The following ITGA10 variants were observed in gnomAD, a reference collection of about 807,000 sequenced individuals.
ITGA10 encodes integrin subunit alpha 10.
In ITGA10, 105 loss-of-function variants were observed where a neutral mutation model predicts 145.2. The ratio of observed to expected loss-of-function variants is 0.72; its 90% CI spans 0.62 to 0.85. The LOEUF is 0.85. ITGA10 is among the 40% of genes least tolerant of loss of function. ITGA10 has a pLI of 0.00. For synonymous variants in ITGA10, 506 were observed against 557.8 expected (o/e 0.91, Z 1.31); for missense variants, 1,317 against 1,444.5 (o/e 0.91, Z 1.43).
chr1:145,909,649 AT>A (rs1472613140), intron 1 of ITGA10, among the ~76,000 whole-genome samples: 1 of 140,628 alleles, frequency 7.1e-6, no homozygotes, highest in Non-Finnish European at 1.5e-5. Flanking sequence ...TATATTATAT[AT>A]AATATATAAT....
At chr1:145,895,770 C>A in intron 25 of ITGA10, 59 bp from the exon 26 acceptor site, 8 of 1,497,334 alleles carry the variant, frequency 5.3e-6, no homozygotes, top group Admixed American at 5.1e-5. Flanking sequence ...CCACTCAAGG[C>A]TGAGTTGGAA....
Position 145,902,003 on chromosome 1 carries a change from TC to T in ITGA10, c.1167del (p.Met390TrpfsTer82). 6.2e-7 allele frequency: 1 copy of T among 1,613,836 alleles called. No homozygotes were observed. ...THRLKDGILF[G>X]MVGAYDWGGS... ...CCTCCCCAGTCATAGGCCCCCACCA[TC>T]CCAAAAAGAATCCCATCCTGTGGGA... is the stretch of plus-strand genomic sequence containing the variant. On this transcript the variant is annotated frameshift_variant, in exon 11 of 30. Transcript: ENST00000369304. LOFTEE classifies it high-confidence loss of function.
In ITGA10 at chr1:145,901,142, A is replaced by G; in HGVS notation, c.1580T>C (p.Val527Ala). ...GGTCCCAGCAAGTCTCACCTGGCCT[A>G]CCAGATACACATAAACACGTCCTGT... ...KETGRVYVYL[V>A]GQQSLLTLQG... The change falls in exon 13 of 30, where the codon GTA (valine) becomes GCA (alanine). Residue 527 changes from valine to alanine, a missense_variant. Val to Ala is a moderately conservative substitution (Grantham distance 64, BLOSUM62 0). Transcript: ENST00000369304. The surrounding 1 kb of genome is among the most constrained non-coding windows in gnomAD (Gnocchi z 4.3). 6.2e-7 allele frequency: 1 copy of G among 1,614,016 alleles called. No individual in the cohort carries two copies. Among genetic ancestry groups the G allele is most frequent in the Non-Finnish European group, 8.5e-7 (1 of 1,179,996 alleles).
At chr1:145,896,887 T>G (rs1655489822) in intron 22 of ITGA10, 29 bp from the exon 23 acceptor site, 2 of 1,576,244 alleles carry the variant, frequency 1.3e-6, no homozygotes, top group African/African-American at 1.3e-5. Context: ...GAGGCTCACA[T>G]CTCAACCCCT....
chr1:145,896,562 G>A (rs185863563), intron 23 of ITGA10, among the ~76,000 whole-genome samples: 21 of 152,312 alleles, frequency 1.4e-4, no homozygotes, highest in Admixed American at 1.2e-3. Flanking sequence ...CAGCTCCAGT[G>A]CCCAAGGCCT....
intron 26 of ITGA10, 26 bp from the exon 27 acceptor site, chr1:145,895,419 G>A: frequency 6.4e-7 from 1 of 1,568,192 alleles, no homozygotes. Flanking sequence ...GAGAGAGACA[G>A]ATCAGGACTC....
chr1:145,894,711 G>A (rs782125740), intron 27 of ITGA10, among the ~76,000 whole-genome samples: 3 of 152,114 alleles, frequency 2.0e-5, no homozygotes, highest in South Asian at 2.1e-4. Context: ...GAGGCCTTTC[G>A]TAATCTAGAT....
At chr1:145,907,764 T>C (rs1436966686) in intron 1 of ITGA10, 2 of 128,118 alleles carry the variant, frequency 1.6e-5, no homozygotes, top group East Asian at 4.6e-4. Context: ...AGTTACTTTT[T>C]TTTTTTTTTT....
Position 145,897,598 on chromosome 1 carries a change from G to A in ITGA10, c.2488C>T (p.Leu830=), listed in dbSNP as rs782731850. 6.2e-7 allele frequency: 1 copy of A among 1,614,168 alleles called. No individual in the cohort carries two copies. Among genetic ancestry groups the A allele is most frequent in the Non-Finnish European group, 8.5e-7 (1 of 1,180,036 alleles). Residue 830 remains leucine (L), a synonymous_variant, in exon 20 of 30, where the codon CTG becomes TTG. Transcript: ENST00000369304. ...TAAGCATTTTCCTTTCTGTTCTCCA[G>A]AGTTGTAGATACCAGCACTTTCCGC... ...GRRKVLVSTT[L]ENRKENAYNT... is the part of the protein sequence containing the mutation.
chr1:145,903,838 C>T (rs868915284), intron 7 of ITGA10, among the ~76,000 whole-genome samples: 12 of 152,106 alleles, frequency 7.9e-5, no homozygotes, highest in Middle Eastern at 3.4e-3. Context: ...AACAGGCATG[C>T]GCCACCATGC....
chr1:145,907,160 G>A lies in ITGA10; in HGVS notation c.165-10C>T. 1 of 1,558,754 alleles carries A rather than the reference G, an allele frequency of 6.4e-7. No homozygotes were observed. Among genetic ancestry groups the A allele is most frequent in the Non-Finnish European group, 8.7e-7 (1 of 1,150,456 alleles). ...GGCGCCCACCAGCATCCTGGGAAGA[G>A]GATGTGAATGTAAGTAAGCACAGGG... On this transcript the variant is annotated splice_polypyrimidine_tract_variant and intron_variant, in intron 2 of 29. Coordinates refer to ENST00000369304, the MANE Select transcript of ITGA10 (RefSeq NM_003637.5).
At position 145,898,953 on chromosome 1, in the gene ITGA10, G is replaced by C. The variant is rs375644249; in HGVS notation, c.2215C>G (p.Leu739Val). 12 of 1,613,822 alleles carry C rather than the reference G, an allele frequency of 7.4e-6. No homozygotes were observed. The highest frequency in any genetic ancestry group is 1.0e-5 in the Non-Finnish European group (12 of 1,179,892). Residue 739 changes from leucine (L) to valine (V), a missense_variant, in exon 17 of 30, where the codon CTA becomes GTA. Leu to Val is a conservative substitution (Grantham distance 32). Coordinates refer to ENST00000369304, the MANE Select transcript of ITGA10 (RefSeq NM_003637.5). The stretch of plus-strand genomic sequence containing the variant: ...CTCCTTACCAGCACATGGAAGTGTA[G>C]CTGCTCACAAGTGACATTCCCCACA... ...LSVGNVTCEQ[L>V]HFHVLDTSDY...
At position 145,901,713 on chromosome 1, in the gene ITGA10, A is replaced by G; in HGVS notation, c.1295-49T>C. The G allele has an allele frequency of 6.5e-7, 1 of 1,535,152 alleles. No individual in the cohort carries two copies. Among genetic ancestry groups the G allele is most frequent in the Non-Finnish European group, 8.7e-7 (1 of 1,142,904 alleles). On this transcript the variant is annotated intron_variant, in intron 11 of 29. Coordinates refer to ENST00000369304, the MANE Select transcript of ITGA10 (RefSeq NM_003637.5). The surrounding 1 kb of genome is among the most constrained non-coding windows in gnomAD (Gnocchi z 4.3). Reference sequence around the variant, plus strand: ...GGTAAAGGAAAAGAAGATGGGGTCCAGAGTAGGGGGGTTCCCTAAAGGCAT... The same window carrying G: ...GGTAAAGGAAAAGAAGATGGGGTCCGGAGTAGGGGGGTTCCCTAAAGGCAT...
At chr1:145,902,218 A>G (rs1656436801) in intron 10 of ITGA10, 28 bp downstream of exon 10, 1 of 1,608,606 alleles carries the variant, frequency 6.2e-7, no homozygotes. Flanking sequence ...AGAATGGGAG[A>G]AGTAATGAAG....
At chr1:145,895,909 G>T in intron 25 of ITGA10, 74 bp downstream of exon 25, 2 of 1,216,648 alleles carry the variant, frequency 1.6e-6, no homozygotes, top group Non-Finnish European at 2.4e-6. Flanking sequence ...ATAGGGAGCT[G>T]GTGTGGTGTC....
chr1:145,893,650 G>T lies in ITGA10; in HGVS notation c.3229-15C>A, dbSNP rs782088741. On this transcript the variant is annotated splice_polypyrimidine_tract_variant and intron_variant, in intron 27 of 29. Coordinates refer to ENST00000369304, the MANE Select transcript of ITGA10 (RefSeq NM_003637.5). ...TTGAACTTGGCCTATGGAACAAGTG[G>T]ATAGGAAGACATTTAAAATGAGCCA... 1.9e-6 allele frequency: 3 copies of T among 1,589,822 alleles called. No individual in the cohort carries two copies. In the South Asian group the frequency reaches 3.3e-5, roughly 18 times the overall value.
In ITGA10 at chr1:145,907,099, G is replaced by A. The variant is rs199525270; in HGVS notation, c.216C>T (p.Asp72=). 35 of 1,564,932 alleles carry A rather than the reference G, an allele frequency of 2.2e-5. No homozygotes were observed. Among genetic ancestry groups the A allele is most frequent in the Admixed American group, 1.7e-4 (9 of 52,342 alleles). ...CCCCCCCTACAGGGCAGCGATAAAC[G>A]TCCCCCCTCCGGTCGCCTGAAGGCC... is the stretch of plus-strand genomic sequence containing the variant. ...WDGPSGDRRG[D]VYRCPVGGAH... Residue 72 remains aspartate, a synonymous_variant, in exon 3 of 30, where the codon GAC becomes GAT. Transcript: ENST00000369304.
chr1:145,904,376 C>T (rs797030564), intron 6 of ITGA10, among the ~76,000 whole-genome samples, 176 bp from the exon 7 acceptor site: 7 of 152,058 alleles, frequency 4.6e-5, no homozygotes, highest in African/African-American at 1.7e-4. Flanking sequence ...TTGCCTTTCT[C>T]TCTCTCTCTA....
chr1:145,892,917 C>T (rs1654900391), intron 29 of ITGA10, 54 bp from the exon 30 acceptor site: 1 of 1,361,058 alleles, frequency 7.3e-7, no homozygotes, highest in African/African-American at 1.4e-5. Flanking sequence ...GGAACCTTGC[C>T]AGTAGCTCTC....
Sources: gnomAD v4.1 joint callset for allele counts (sites outside exome capture counted in the v4.1 genomes callset) on GRCh38, gnomAD v4.1.1 for gene constraint, Gnocchi (gnomAD v3.1) non-coding constraint, MANE v1.5 for transcripts, NCBI Gene and HGNC (gene_info 2026-07-23, HGNC 2026-07-21) for gene names.